Variants in GSE1 observed in about 807,000 individuals in gnomAD.
The protein encoded by GSE1 is genetic suppressor element 1.
Under a neutral mutation model 112.6 loss-of-function variants are expected in GSE1, and 32 were observed. The observed-to-expected ratio is 0.28, with a 90% CI of 0.21 to 0.38. The LOEUF (loss-of-function observed/expected upper bound fraction) is 0.38. GSE1 is among the 10% of genes least tolerant of loss of function. The pLI, the probability that GSE1 is intolerant of heterozygous loss-of-function variation, is 1.00. For missense variants in GSE1, 2,348 were observed against 1,699.2 expected (o/e 1.38, Z -6.71); for synonymous variants, 1,115 against 735.6 (o/e 1.52, Z -8.35).
intron 1 of GSE1, among the ~76,000 whole-genome samples, chr16:85,620,618 C>T (rs566344885): frequency 6.6e-6 from 1 of 152,382 alleles, no homozygotes; most frequent in South Asian, 2.1e-4. Context: ...GGTTAGTCAC[C>T]CCGTAACAGA....
Position 85,370,830 on chromosome 16 carries a change from T to G in GSE1, c.2464+13187T>G, listed in dbSNP as rs542283976. On this transcript the variant is annotated intron_variant, in intron 2 of 2. Transcript: ENST00000637419. Reference sequence around the variant, plus strand: ...TGTGTGACCACCTTTGGGAACTGGGTTTTCTCTGCTGCCCACGGAGTTGAC... The same window carrying G: ...TGTGTGACCACCTTTGGGAACTGGGGTTTCTCTGCTGCCCACGGAGTTGAC... 7.9e-5 allele frequency among the ~76,000 whole-genome samples: 12 copies of G among 152,224 alleles called. No homozygotes were observed. The South Asian group carries it at 2.3e-3, about 29-fold the overall frequency.
chr16:85,485,255 G>A (rs2050796300), intron 2 of GSE1, among the ~76,000 whole-genome samples: 1 of 152,242 alleles, frequency 6.6e-6, no homozygotes, highest in Admixed American at 6.5e-5. Context: ...CAGAGGCATG[G>A]ATCCCAGGCC....
At chr16:85,192,522 T>C (rs4072189) in intron 1 of GSE1, among the ~76,000 whole-genome samples, 81,112 of 151,816 alleles carry the variant, frequency 0.53, 22,777 homozygotes, top group African/African-American at 0.68. Context: ...AGGTTGTTTC[T>C]AGCTTCACAG....
chr16:85,618,763 TC>T (rs200289349), intron 1 of GSE1, among the ~76,000 whole-genome samples: 2,033 of 152,360 alleles, frequency 0.013, 23 homozygotes, highest in Non-Finnish European at 0.017. Context: ...GCTCAAGTGA[TC>T]CTGCTGCCGC....
upstream of GSE1, among the ~76,000 whole-genome samples, chr16:85,610,477 A>G (rs1417460245): frequency 6.6e-6 from 1 of 152,254 alleles, no homozygotes; most frequent in African/African-American, 2.4e-5. Context: ...GGAAATTAGG[A>G]GTCAAGCGAC....
intron 2 of GSE1, among the ~76,000 whole-genome samples, chr16:85,430,030 C>T (rs1052745475): frequency 6.6e-6 from 1 of 152,262 alleles, no homozygotes; most frequent in Non-Finnish European, 1.5e-5. Context: ...TTCATTCATT[C>T]TCCTGTCTCT....
intron 2 of GSE1, chr16:85,463,145 C>T: frequency 2.0e-6 from 2 of 981,080 alleles, no homozygotes; most frequent in Non-Finnish European, 2.4e-6. Flanking sequence ...CAGCTCACCG[C>T]CCCGTGGACG....
chr16:85,652,118 C>T (rs1039251843), intron 3 of GSE1, among the ~76,000 whole-genome samples: 2 of 152,242 alleles, frequency 1.3e-5, no homozygotes, highest in Non-Finnish European at 2.9e-5. Context: ...GTGCGTCCCC[C>T]ACATGCCCGT....
At chr16:85,577,146 A>G (rs1277490923) in intron 1 of GSE1, among the ~76,000 whole-genome samples, 2 of 151,726 alleles carry the variant, frequency 1.3e-5, no homozygotes, top group African/African-American at 4.8e-5. Context: ...GGGGTCCTGG[A>G]GGTGAGCTGA....
At chr16:85,290,929 C>T (rs1597306100) in intron 1 of GSE1, among the ~76,000 whole-genome samples, 3 of 152,246 alleles carry the variant, frequency 2.0e-5, no homozygotes, top group African/African-American at 7.2e-5. Context: ...GAGTGTCTGC[C>T]GGGTCCCCAA....
intron 1 of GSE1, among the ~76,000 whole-genome samples, chr16:85,202,018 TGAAAA>T (rs2075037846): frequency 6.6e-6 from 1 of 152,180 alleles, no homozygotes; most frequent in Admixed American, 6.5e-5. Flanking sequence ...AGTGAGTTGA[TGAAAA>T]GGAAAACTTG....
chr16:85,472,320 G>A (rs994768045), intron 2 of GSE1, among the ~76,000 whole-genome samples: 1 of 151,236 alleles, frequency 6.6e-6, no homozygotes, highest in African/African-American at 2.4e-5. Flanking sequence ...TGGAGGCCTG[G>A]GGGGAGGAAG....
exon 1 of GSE1, chr16:85,170,253 C>A: frequency 1.0e-6 from 1 of 985,580 alleles, no homozygotes; most frequent in Non-Finnish European, 1.2e-6. Flanking sequence ...CGAAGGCCCA[C>A]GCGGATGGGG....
chr16:85,180,102 G>A (rs934246399), intron 1 of GSE1, among the ~76,000 whole-genome samples: 30 of 152,372 alleles, frequency 2.0e-4, no homozygotes, highest in Non-Finnish European at 4.3e-4. Context: ...CCCTGCCTGG[G>A]GTCTGGTTGC....
At chr16:85,616,468 A>G (rs528324706) in intron 1 of GSE1, among the ~76,000 whole-genome samples, 1 of 152,182 alleles carries the variant, frequency 6.6e-6, no homozygotes, top group Non-Finnish European at 1.5e-5. Context: ...CTCGAAGTCC[A>G]AGGATCAAAC....
At chr16:85,385,612 C>A (rs545035710) in intron 2 of GSE1, among the ~76,000 whole-genome samples, 19 of 152,178 alleles carry the variant, frequency 1.2e-4, no homozygotes, top group Non-Finnish European at 2.5e-4. Flanking sequence ...CCGTGGCACC[C>A]CCAGGGCCAG....
chr16:85,259,523 C>A (rs887126424), intron 1 of GSE1, among the ~76,000 whole-genome samples: 2 of 152,240 alleles, frequency 1.3e-5, no homozygotes, highest in South Asian at 2.1e-4. Flanking sequence ...CTTGTTTTGC[C>A]CCAGGGCAGC....
At chr16:85,511,209 T>A (rs764914846) in intron 2 of GSE1, among the ~76,000 whole-genome samples, 2 of 152,176 alleles carry the variant, frequency 1.3e-5, no homozygotes, top group Non-Finnish European at 2.9e-5. Context: ...TTTCCCTTTC[T>A]ATGTGTGGTA....
intron 1 of GSE1, among the ~76,000 whole-genome samples, chr16:85,279,654 G>T (rs2044796111): frequency 6.6e-6 from 1 of 152,142 alleles, no homozygotes; most frequent in Non-Finnish European, 1.5e-5. Flanking sequence ...AGCTCTGTGG[G>T]TCAGAGCTCA....
Sources: gnomAD v4.1 joint callset for allele counts (sites outside exome capture counted in the v4.1 genomes callset) on GRCh38, gnomAD v4.1.1 for gene constraint, MANE v1.5 for transcripts, NCBI Gene and HGNC (gene_info 2026-07-23, HGNC 2026-07-21) for gene names.